The following PTBP3 variants were observed in gnomAD, a reference collection of about 807,000 sequenced individuals.
PTBP3 encodes the protein polypyrimidine tract-binding protein 3.
In PTBP3, 20 loss-of-function variants were observed where a neutral mutation model predicts 58.7. That is an observed-to-expected ratio of 0.34 (90% CI 0.24 to 0.50). The LOEUF is 0.50. Among genes scored for constraint, PTBP3 ranks in the 20% least tolerant of loss-of-function variants. PTBP3 has a pLI of 0.98. For synonymous variants in PTBP3, 185 were observed against 219.8 expected, an observed-to-expected ratio of 0.84 and a Z score of 1.40; for missense variants, 509 against 637.2, an observed-to-expected ratio of 0.80 and a Z score of 2.17.
chr9:112,354,203 C>T, the PTBP3 span, among the ~76,000 whole-genome samples: 1 of 152,098 alleles, frequency 6.6e-6, no homozygotes, highest in African/African-American at 2.4e-5. Context: ...CCTGATTTGT[C>T]TTTAGTGGAA....
At chr9:112,263,314 A>G (rs1212396750) in intron 4 of PTBP3, among the ~76,000 whole-genome samples, 1 of 152,204 alleles carries the variant, frequency 6.6e-6, no homozygotes, top group Non-Finnish European at 1.5e-5. Context: ...GTATTTACAT[A>G]GTCTTAAAGT....
chr9:112,265,661 G>C (rs931154832), intron 4 of PTBP3, among the ~76,000 whole-genome samples: 1 of 152,192 alleles, frequency 6.6e-6, no homozygotes, highest in East Asian at 1.9e-4. Flanking sequence ...ACACACATGA[G>C]GGTAGAACAA....
chr9:112,298,307 T>C (rs574416893), intron 1 of PTBP3, among the ~76,000 whole-genome samples: 1 of 152,304 alleles, frequency 6.6e-6, no homozygotes, highest in South Asian at 2.1e-4. Flanking sequence ...TACCAACGTA[T>C]TTTTTTAAGT....
chr9:112,360,346 G>C, the PTBP3 span, among the ~76,000 whole-genome samples: 7 of 152,050 alleles, frequency 4.6e-5, no homozygotes, highest in Admixed American at 3.9e-4. Context: ...ACCACACCTG[G>C]CTTAATTTTT....
In PTBP3 at chr9:112,252,791, G is replaced by A. The variant is rs754800899; in HGVS notation, c.517-3C>T. On this transcript the variant is annotated splice_polypyrimidine_tract_variant and splice_region_variant and intron_variant, in intron 5 of 13. Coordinates refer to ENST00000374257, the MANE Select transcript of PTBP3 (RefSeq NM_001163788.4). ...ACTGTGCCAAATTTAGAAAATATCT[G>A]GAAAACAGTTCACATTAGGTTAAAT... 29 of 1,505,454 alleles carry A rather than the reference G, an allele frequency of 1.9e-5. No homozygotes were observed. The South Asian group carries it at 3.3e-4, about 17-fold the overall frequency. 93.3% of individuals were successfully genotyped at this position (1,505,454 alleles called of 1,614,324 possible).
the PTBP3 span, among the ~76,000 whole-genome samples, chr9:112,358,969 G>A: frequency 6.6e-6 from 1 of 152,062 alleles, no homozygotes; most frequent in Non-Finnish European, 1.5e-5. Context: ...TGAGTATATG[G>A]GACCACAGGC....
chr9:112,301,487 T>C (rs1828934869), intron 1 of PTBP3, among the ~76,000 whole-genome samples: 1 of 151,464 alleles, frequency 6.6e-6, no homozygotes, highest in African/African-American at 2.4e-5. Flanking sequence ...AAACTAAACA[T>C]ACACTTAGCA....
At chr9:112,287,689 T>C (rs1454706813) in intron 2 of PTBP3, among the ~76,000 whole-genome samples, 3 of 152,228 alleles carry the variant, frequency 2.0e-5, no homozygotes, top group African/African-American at 4.8e-5. Flanking sequence ...TATCTTCAAA[T>C]TCACTGATGT....
rs1204728000 is a variant in PTBP3, at chr9:112,220,091, GCTGT to G, written c.*3756_*3759del. The G allele has an allele frequency of 8.2e-7, 1 of 1,215,850 alleles. No individual in the cohort carries two copies. The highest frequency in any genetic ancestry group is 1.1e-6 in the Non-Finnish European group (1 of 951,802). 75.3% of individuals were successfully genotyped at this position (1,215,850 alleles called of 1,614,324 possible). The stretch of plus-strand genomic sequence containing the variant: ...AGAAAAATGCTTTACGCATCGTCAC[GCTGT>G]CTCTTTTTGGTTTTAAAAATAGCAG... On this transcript the variant is annotated 3_prime_UTR_variant, in exon 14 of 14. Coordinates refer to ENST00000374257, the MANE Select transcript of PTBP3 (RefSeq NM_001163788.4).
intron 4 of PTBP3, 105 bp downstream of exon 4, chr9:112,267,944 T>C (rs1188316270): frequency 1.9e-6 from 2 of 1,080,528 alleles, no homozygotes; most frequent in Non-Finnish European, 2.5e-6. Flanking sequence ...TAGTAAAGTA[T>C]CCTAAAATGA....
chr9:112,225,421 G>T (rs1011172408), intron 12 of PTBP3, among the ~76,000 whole-genome samples: 2 of 152,144 alleles, frequency 1.3e-5, no homozygotes, highest in Non-Finnish European at 2.9e-5. Flanking sequence ...GGAAAAAGGT[G>T]GTTACTGCTT....
the PTBP3 span, among the ~76,000 whole-genome samples, chr9:112,350,363 G>T: frequency 6.6e-6 from 1 of 152,096 alleles, no homozygotes; most frequent in East Asian, 1.9e-4. Flanking sequence ...TAAGAAAAAA[G>T]ATTTTAAAAT....
the PTBP3 span, among the ~76,000 whole-genome samples, chr9:112,366,323 A>T: frequency 6.6e-6 from 1 of 152,080 alleles, no homozygotes; most frequent in Non-Finnish European, 1.5e-5. Flanking sequence ...CTGAATGGTA[A>T]TTCCCAAGAG....
At chr9:112,283,577 T>C (rs1378492382) in intron 2 of PTBP3, among the ~76,000 whole-genome samples, 2 of 152,184 alleles carry the variant, frequency 1.3e-5, no homozygotes, top group Non-Finnish European at 1.5e-5. Context: ...GCATAAAGGT[T>C]TGGAAAATTC....
intron 3 of PTBP3, among the ~76,000 whole-genome samples, chr9:112,270,151 A>C (rs977144396): frequency 6.6e-6 from 1 of 151,966 alleles, no homozygotes; most frequent in Non-Finnish European, 1.5e-5. Flanking sequence ...GTCGCCATGA[A>C]GGCTGGTCTT....
In PTBP3 at chr9:112,234,868, C is replaced by A. The variant is rs1421328684; in HGVS notation, c.832G>T (p.Ala278Ser). Residue 278 changes from alanine (A) to serine (S), a missense_variant, in exon 8 of 14, where the codon GCA becomes TCA. By Grantham distance (99) the Ala-to-Ser change is moderately conservative. This residue lies in a region of PTBP3 where 121 missense variants were observed against 114.8 expected (regional missense o/e 1.05). Transcript: ENST00000374257. ...GAPGIISSPY[A>S]GAAGFAPAIG... ...GCTGGGGCAAATCCAGCAGCCCCTG[C>A]ATATGGTGAAGAAATTATACCCGGT... The A allele has an allele frequency of 6.2e-7, 1 of 1,612,770 alleles. No individual in the cohort carries two copies. The highest frequency in any genetic ancestry group is 8.5e-7 in the Non-Finnish European group (1 of 1,179,102).
chr9:112,357,560 G>A, the PTBP3 span, among the ~76,000 whole-genome samples: 1 of 152,190 alleles, frequency 6.6e-6, no homozygotes, highest in East Asian at 1.9e-4. Flanking sequence ...TGTTGCCCAG[G>A]CCGGTCTTAA....
chr9:112,252,824 A>G (rs1836185019), intron 5 of PTBP3, 36 bp from the exon 6 acceptor site: 2 of 1,201,050 alleles, frequency 1.7e-6, no homozygotes, highest in Non-Finnish European at 2.4e-6. Flanking sequence ...AATGTAAAAG[A>G]AAAGTATTAA....
At chr9:112,233,272 G>GGTGT (rs72086685) in intron 8 of PTBP3, among the ~76,000 whole-genome samples, 288 of 144,400 alleles carry the variant, frequency 2.0e-3, no homozygotes, top group Middle Eastern at 3.6e-3. Context: ...TACACTGTAG[G>GGTGT]GTGTGTGTGT....
Sources: allele counts gnomAD v4.1 joint callset (sites outside exome capture counted in the v4.1 genomes callset), GRCh38; gene constraint gnomAD v4.1.1; regional missense constraint gnomAD v4.1.1; transcripts MANE v1.5; gene names NCBI Gene and HGNC (gene_info 2026-07-23, HGNC 2026-07-21).